Variants in EEF1AKMT1 observed in about 807,000 individuals in gnomAD.
EEF1AKMT1 encodes the protein EEF1A lysine methyltransferase 1, also known as N-6 adenine-specific DNA methyltransferase 2 (putative).
Under a neutral mutation model 21.0 loss-of-function variants are expected in EEF1AKMT1, and 18 were observed. That is an observed-to-expected ratio of 0.86 (90% CI 0.59 to 1.27). The LOEUF (loss-of-function observed/expected upper bound fraction) is 1.27. EEF1AKMT1 is among the 50% of genes most tolerant of loss of function. The pLI is 0.00. For missense variants in EEF1AKMT1, 246 were observed against 258.6 expected, an observed-to-expected ratio of 0.95 and a Z score of 0.33; for synonymous variants, 109 against 94.8, an observed-to-expected ratio of 1.15 and a Z score of -0.87.
rs34574835 is a variant in EEF1AKMT1, at chr13:20,764,880, AACACACACACACACACACAC to A, written c.-19-7283_-19-7264del. On this transcript the variant is annotated intron_variant, in intron 1 of 4. Transcript: ENST00000382758. ...ATATTTTCCCCTTCCTTTCACTTTC[AACACACACACACACACACAC>A]ACACACACACACACACACCCTAATT... 3.3e-3 allele frequency among the ~76,000 whole-genome samples: 466 copies of A among 139,902 alleles called. 2 individuals carry two copies. Among genetic ancestry groups the A allele is most frequent in the Middle Eastern group, 0.018 (5 of 280 alleles). The allele number at this position is 139,902 out of a possible 152,430, so 91.8% of individuals were successfully genotyped here.
At chr13:20,770,996 C>T (rs1360380230) in intron 1 of EEF1AKMT1, among the ~76,000 whole-genome samples, 1 of 152,020 alleles carries the variant, frequency 6.6e-6, no homozygotes, top group Non-Finnish European at 1.5e-5. Flanking sequence ...TACCCCAGCT[C>T]AGCCTCCTGA....
chr13:20,743,907 C>T (rs1048136989), intron 2 of EEF1AKMT1, among the ~76,000 whole-genome samples: 1 of 152,178 alleles, frequency 6.6e-6, no homozygotes, highest in African/African-American at 2.4e-5. Context: ...CATGTGTTCT[C>T]ATTGTTCAAT....
At chr13:20,734,097 T>C (rs1322158581) in intron 3 of EEF1AKMT1, among the ~76,000 whole-genome samples, 14 of 152,226 alleles carry the variant, frequency 9.2e-5, no homozygotes, top group Admixed American at 9.2e-4. Context: ...AGTGGGATTA[T>C]AGCCTCACTG....
chr13:20,773,462 T>C (rs1039247131), intron 1 of EEF1AKMT1, among the ~76,000 whole-genome samples: 1 of 152,148 alleles, frequency 6.6e-6, no homozygotes, highest in Non-Finnish European at 1.5e-5. Flanking sequence ...GCGCCGCGGG[T>C]GCCCGCCCTC....
chr13:20,743,623 T>A (rs1026811446), intron 2 of EEF1AKMT1, among the ~76,000 whole-genome samples: 21 of 151,868 alleles, frequency 1.4e-4, no homozygotes, highest in African/African-American at 4.8e-4. Flanking sequence ...GCAAGGGCAG[T>A]GTTTTATTTA....
intron 2 of EEF1AKMT1, among the ~76,000 whole-genome samples, chr13:20,739,291 T>A (rs777397293): frequency 6.6e-6 from 1 of 152,134 alleles, no homozygotes; most frequent in African/African-American, 2.4e-5. Context: ...AGCAGTAACA[T>A]TTATTGTGAG....
At chr13:20,738,775 T>C (rs1018439485) in intron 2 of EEF1AKMT1, among the ~76,000 whole-genome samples, 7 of 152,152 alleles carry the variant, frequency 4.6e-5, no homozygotes, top group African/African-American at 1.7e-4. Flanking sequence ...ATGTCCCGAG[T>C]AGCAAGTCTA....
intron 1 of EEF1AKMT1, among the ~76,000 whole-genome samples, chr13:20,762,141 T>TAAA (rs2059004195): frequency 2.0e-5 from 3 of 151,424 alleles, no homozygotes; most frequent in Admixed American, 2.0e-4. Flanking sequence ...CATCTCTCCA[T>TAAA]TTATTTAGTT....
rs1192718493 is a variant in EEF1AKMT1 at position 20,737,752 on chromosome 13, C to T, written c.198G>A (p.Glu66=). The change falls in exon 3 of 5, where the codon GAG becomes GAA. Residue 66 remains glutamate, a synonymous_variant. Transcript: ENST00000382758. Reference sequence around the variant, plus strand: ...CACCTTCTCCTACAGCTGCAATTGCCTCCTGTGCCAGCTGCAGAGCAGTTT... The same window carrying T: ...CACCTTCTCCTACAGCTGCAATTGCTTCCTGTGCCAGCTGCAGAGCAGTTT... ...SQETALQLAQ[E]AIAAVGEGGR... is the part of the protein sequence containing the mutation. 6.2e-7 allele frequency: 1 copy of T among 1,613,050 alleles called. No individual in the cohort carries two copies.
chr13:20,771,508 A>G (rs543722131), intron 1 of EEF1AKMT1, among the ~76,000 whole-genome samples: 85 of 152,314 alleles, frequency 5.6e-4, no homozygotes, highest in Non-Finnish European at 8.4e-4. Context: ...CTTGGAGCTT[A>G]CATTCTAGAG....
At chr13:20,764,345 G>C (rs1283718624) in intron 1 of EEF1AKMT1, among the ~76,000 whole-genome samples, 1 of 151,706 alleles carries the variant, frequency 6.6e-6, no homozygotes, top group East Asian at 1.9e-4. Context: ...AGTGTTTGGA[G>C]ATTTTCCTAT....
At chr13:20,730,398 G>A (rs189750136) in intron 4 of EEF1AKMT1, among the ~76,000 whole-genome samples, 161 of 152,328 alleles carry the variant, frequency 1.1e-3, no homozygotes, top group Middle Eastern at 0.01. Flanking sequence ...GGGGACAAGC[G>A]CGGCCCGGAG....
intron 2 of EEF1AKMT1, among the ~76,000 whole-genome samples, chr13:20,739,161 A>T (rs190790657): frequency 6.6e-6 from 1 of 151,562 alleles, no homozygotes; most frequent in Non-Finnish European, 1.5e-5. Context: ...AGTTCCTCCC[A>T]TCCGAAGTTG....
intron 2 of EEF1AKMT1, among the ~76,000 whole-genome samples, chr13:20,742,631 T>C (rs886584104): frequency 6.6e-6 from 1 of 152,210 alleles, no homozygotes; most frequent in Non-Finnish European, 1.5e-5. Flanking sequence ...TTAACTCCAT[T>C]TGATTCCTCC....
chr13:20,769,182 T>C (rs1397972530), intron 1 of EEF1AKMT1: 1 of 152,214 alleles, frequency 6.6e-6, no homozygotes, highest in Non-Finnish European at 1.5e-5. Context: ...GTCCCTGTAC[T>C]TAATATATGT....
At chr13:20,736,393 C>T (rs1345728894) in intron 3 of EEF1AKMT1, among the ~76,000 whole-genome samples, 1 of 152,124 alleles carries the variant, frequency 6.6e-6, no homozygotes, top group African/African-American at 2.4e-5. Context: ...AAAAACTTCC[C>T]TCCTACGTGC....
intron 1 of EEF1AKMT1, among the ~76,000 whole-genome samples, chr13:20,771,491 T>C (rs1025097566): frequency 1.3e-5 from 2 of 152,168 alleles, no homozygotes; most frequent in Non-Finnish European, 2.9e-5. Context: ...CTCAAAGTCC[T>C]TATTCTCTTG....
chr13:20,768,545 T>C (rs1220740942), intron 1 of EEF1AKMT1, among the ~76,000 whole-genome samples: 1 of 152,196 alleles, frequency 6.6e-6, no homozygotes, highest in Non-Finnish European at 1.5e-5. Flanking sequence ...CCTGGAGTTC[T>C]TTCTCTATTC....
intron 1 of EEF1AKMT1, among the ~76,000 whole-genome samples, chr13:20,764,454 T>C (rs1258930982): frequency 1.3e-5 from 2 of 152,242 alleles, no homozygotes; most frequent in African/African-American, 4.8e-5. Context: ...ATTCCATGAA[T>C]ACTTGAAAAC....
Sources: allele counts gnomAD v4.1 joint callset (sites outside exome capture counted in the v4.1 genomes callset), GRCh38; gene constraint gnomAD v4.1.1; transcripts MANE v1.5; gene names NCBI Gene and HGNC (gene_info 2026-07-23, HGNC 2026-07-21).